Variants in SLC27A2 observed in about 807,000 individuals in gnomAD.
The protein encoded by SLC27A2 is solute carrier family 27 member 2.
A neutral mutation model predicts 60.0 loss-of-function variants in SLC27A2; 54 were observed. The ratio of observed to expected loss-of-function variants is 0.90; its 90% CI spans 0.72 to 1.13. SLC27A2 has a LOEUF of 1.13. Ranked by LOEUF, SLC27A2 falls within the 50% of genes most tolerant of loss-of-function variation. The pLI, the probability that SLC27A2 is intolerant of heterozygous loss-of-function variation, is 0.00. For missense variants in SLC27A2, 739 were observed against 777.6 expected, an observed-to-expected ratio of 0.95 and a Z score of 0.59; for synonymous variants, 297 against 297.6, an observed-to-expected ratio of 1.00 and a Z score of 0.02.
intron 8 of SLC27A2, among the ~76,000 whole-genome samples, chr15:50,229,641 A>T (rs1352526910): frequency 6.6e-6 from 1 of 152,226 alleles, no homozygotes; most frequent in Non-Finnish European, 1.5e-5. Flanking sequence ...AAAATTAAGG[A>T]TAATGCCAGC....
At position 50,192,651 on chromosome 15, in the gene SLC27A2, C is replaced by G. The variant is rs573895596; in HGVS notation, c.479-4849C>G. ...CCTTGACCTCCCAGGCTCAGGTGAT[C>G]CTCCCACCTCAGCCTCCAGAGTAGC... On this transcript the variant is annotated intron_variant, in intron 1 of 9. Transcript: ENST00000267842. Among the ~76,000 whole-genome samples, 1,101 of 151,558 alleles carry G rather than the reference C, an allele frequency of 7.3e-3. 13 individuals are homozygous for G. Among genetic ancestry groups the G allele is most frequent in the South Asian group, 0.021 (101 of 4,806 alleles).
At chr15:50,208,715 A>G (rs2045132378) in intron 4 of SLC27A2, among the ~76,000 whole-genome samples, 1 of 152,238 alleles carries the variant, frequency 6.6e-6, no homozygotes. Flanking sequence ...GAGGTTGAGT[A>G]GGGGATGGGA....
At chr15:50,196,828 A>T (rs2045027499) in intron 1 of SLC27A2, among the ~76,000 whole-genome samples, 1 of 152,162 alleles carries the variant, frequency 6.6e-6, no homozygotes, top group Non-Finnish European at 1.5e-5. Context: ...CCTTCCTAGG[A>T]AATTACTTGT....
chr15:50,228,917 C>T (rs983448418), intron 7 of SLC27A2, 28 bp from the exon 8 acceptor site: 7 of 1,499,894 alleles, frequency 4.7e-6, no homozygotes, highest in Non-Finnish European at 6.5e-6. Flanking sequence ...CCACCAGTGA[C>T]CTCTGCTAAC....
chr15:50,236,074 G>C lies in SLC27A2; in HGVS notation c.1841G>C (p.Ser614Thr). 1 of 1,604,520 alleles carries C rather than the reference G, an allele frequency of 6.2e-7. No individual in the cohort carries two copies. Among genetic ancestry groups the C allele is most frequent in the Non-Finnish European group, 8.5e-7 (1 of 1,174,402 alleles). Reference sequence around the variant, plus strand: ...ACTGAGGACATCTATAATGCCATAAGTGCTAAAACCCTGAAACTCTGAATA... The same window carrying C: ...ACTGAGGACATCTATAATGCCATAACTGCTAAAACCCTGAAACTCTGAATA... ...PMTEDIYNAI[S>T]AKTLKL Residue 614 changes from serine (S) to threonine (T), a missense_variant, in exon 10 of 10, where the codon AGT becomes ACT. By Grantham distance (58) the Ser-to-Thr change is moderately conservative. Coordinates refer to ENST00000267842, the MANE Select transcript of SLC27A2 (RefSeq NM_003645.4).
chr15:50,210,793 G>C (rs945234030), intron 4 of SLC27A2, among the ~76,000 whole-genome samples: 4 of 152,206 alleles, frequency 2.6e-5, no homozygotes, highest in African/African-American at 7.2e-5. Flanking sequence ...GGGCCGTTGA[G>C]GGGGCACGGT....
Position 50,195,095 on chromosome 15 carries a change from A to G in SLC27A2, c.479-2405A>G, listed in dbSNP as rs149675740. ...GAAATGGAAGTAGGGATCAAAATTG[A>G]TAGGCCAAGAACTAGCAGGAAATGC... On this transcript the variant is annotated intron_variant, in intron 1 of 9. Transcript: ENST00000267842. Among the ~76,000 whole-genome samples the G allele has an allele frequency of 8.7e-3, 1,325 of 152,280 alleles. 8 individuals are homozygous for G. Among genetic ancestry groups the G allele is most frequent in the Non-Finnish European group, 0.014 (977 of 68,016 alleles).
rs1481952830 is a variant in SLC27A2 at position 50,199,491 on chromosome 15, A to G, written c.688+1782A>G. ...AGACTCTGTCTTAAAAAAAAAAAAA[A>G]AGAAAGAAAAAAAAAGAAAACCCCT... On this transcript the variant is annotated intron_variant, in intron 2 of 9. Coordinates refer to ENST00000267842, the MANE Select transcript of SLC27A2 (RefSeq NM_003645.4). Among the ~76,000 whole-genome samples, 4 of 151,510 alleles carry G rather than the reference A, an allele frequency of 2.6e-5. No homozygotes were observed. In the East Asian group the frequency reaches 7.7e-4, roughly 29 times the overall value.
intron 7 of SLC27A2, among the ~76,000 whole-genome samples, chr15:50,228,165 G>A (rs2045290344): frequency 6.6e-6 from 1 of 152,094 alleles, no homozygotes; most frequent in Non-Finnish European, 1.5e-5. Context: ...ATCACCTGAG[G>A]TCAGGAGTTC....
chr15:50,218,773 A>G (rs1015960405), intron 4 of SLC27A2, among the ~76,000 whole-genome samples: 19 of 152,174 alleles, frequency 1.2e-4, no homozygotes, highest in African/African-American at 4.3e-4. Context: ...TTCCATCCAA[A>G]CAGAATGAAA....
At chr15:50,189,457 A>G (rs1370709748) in intron 1 of SLC27A2, among the ~76,000 whole-genome samples, 2 of 152,214 alleles carry the variant, frequency 1.3e-5, no homozygotes, top group African/African-American at 2.4e-5. Flanking sequence ...TAATATATCC[A>G]AGGGCTGGGA....
intron 1 of SLC27A2, among the ~76,000 whole-genome samples, chr15:50,188,032 G>C (rs1430193219): frequency 6.6e-6 from 1 of 151,272 alleles, no homozygotes; most frequent in Non-Finnish European, 1.5e-5. Context: ...TCTGTGCCAT[G>C]ATGGGATGGA....
chr15:50,222,687 G>A (rs935194154), intron 4 of SLC27A2, among the ~76,000 whole-genome samples: 2 of 152,124 alleles, frequency 1.3e-5, no homozygotes, highest in South Asian at 4.1e-4. Context: ...GCCTCATCTG[G>A]CTCCTTAGAA....
intron 2 of SLC27A2, among the ~76,000 whole-genome samples, chr15:50,201,396 G>A (rs2045062254): frequency 6.6e-6 from 1 of 152,048 alleles, no homozygotes; most frequent in South Asian, 2.1e-4. Context: ...ACAGCAAATA[G>A]TATAAATAAA....
intron 3 of SLC27A2, among the ~76,000 whole-genome samples, chr15:50,204,529 T>C (rs532039482): frequency 6.9e-4 from 105 of 151,910 alleles, no homozygotes; most frequent in South Asian, 4.0e-3. Context: ...GTCAGGAGAT[T>C]GAGACCATCC....
In SLC27A2 at chr15:50,184,897, C is replaced by T. The variant is rs571471593; in HGVS notation, c.478+1992C>T. Among the ~76,000 whole-genome samples, 3 of 152,220 alleles carry T rather than the reference C, an allele frequency of 2.0e-5. No homozygotes were observed. The South Asian group carries it at 6.2e-4, about 32-fold the overall frequency. On this transcript the variant is annotated intron_variant, in intron 1 of 9. Coordinates refer to ENST00000267842, the MANE Select transcript of SLC27A2 (RefSeq NM_003645.4). ...GGCTAAATTATTTGGAAGAGATGGT[C>T]CTTTCAAGAAAATTCCCATTAATTT...
At chr15:50,219,422 G>A (rs1024477637) in intron 4 of SLC27A2, among the ~76,000 whole-genome samples, 10 of 151,814 alleles carry the variant, frequency 6.6e-5, no homozygotes, top group South Asian at 2.1e-4. Flanking sequence ...TCTCTTTGTT[G>A]CTTTTTTTCC....
rs2045134743 is a variant in SLC27A2 at position 50,209,055 on chromosome 15, C to A, written c.972+3692C>A. The stretch of plus-strand genomic sequence containing the variant: ...TCTCAATGAGGCTTTATGACACCTG[C>A]TGGAGTGTGGGAGGAGGAAGACAGA... On this transcript the variant is annotated intron_variant, in intron 4 of 9. Coordinates refer to ENST00000267842, the MANE Select transcript of SLC27A2 (RefSeq NM_003645.4). Among the ~76,000 whole-genome samples the A allele has an allele frequency of 2.0e-5, 3 of 152,052 alleles. No individual in the cohort carries two copies. In the South Asian group the frequency reaches 6.2e-4, roughly 31 times the overall value.
At chr15:50,195,322 A>C (rs28477459) in intron 1 of SLC27A2, among the ~76,000 whole-genome samples, 2,913 of 150,394 alleles carry the variant, frequency 0.019, 102 homozygotes, top group African/African-American at 0.062. Context: ...AAAAAAAAAA[A>C]AAAAACAAAA....
Sources: gnomAD v4.1 joint callset for allele counts (sites outside exome capture counted in the v4.1 genomes callset) on GRCh38, gnomAD v4.1.1 for gene constraint, MANE v1.5 for transcripts, NCBI Gene and HGNC (gene_info 2026-07-23, HGNC 2026-07-21) for gene names.